Variants in CNTNAP5 observed in about 807,000 individuals in gnomAD.
CNTNAP5 encodes the protein contactin associated protein family member 5, also known as contactin-associated protein-like 5.
CNTNAP5 carries 72 observed loss-of-function variants against 150.2 expected under a neutral mutation model. That is an observed-to-expected ratio of 0.48 (90% CI 0.40 to 0.58). CNTNAP5 has a LOEUF of 0.58. Among genes scored for constraint, CNTNAP5 ranks in the 20% least tolerant of loss-of-function variants. CNTNAP5 has a pLI of 0.00. For missense variants in CNTNAP5, 1,636 were observed against 1,626.2 expected (o/e 1.01, Z -0.10); for synonymous variants, 672 against 619.8 (o/e 1.08, Z -1.25).
intron 1 of CNTNAP5, among the ~76,000 whole-genome samples, chr2:124,121,810 A>T (rs1404512523): frequency 6.6e-6 from 1 of 152,104 alleles, no homozygotes; most frequent in African/African-American, 2.4e-5. Context: ...TTATATGAAC[A>T]TCAGCTGAGT....
intron 14 of CNTNAP5, among the ~76,000 whole-genome samples, chr2:124,752,564 G>T (rs1287629433): frequency 6.6e-6 from 1 of 152,012 alleles, no homozygotes; most frequent in Non-Finnish European, 1.5e-5. Context: ...ACTACCCGTC[G>T]GAATTAGCTG....
chr2:124,633,972 G>A (rs1677920041), intron 12 of CNTNAP5, among the ~76,000 whole-genome samples: 2 of 152,180 alleles, frequency 1.3e-5, no homozygotes, highest in Non-Finnish European at 2.9e-5. Flanking sequence ...GGGCAGTGGG[G>A]CCCTGGTCCC....
At chr2:124,855,852 T>C (rs1677360288) in intron 19 of CNTNAP5, among the ~76,000 whole-genome samples, 1 of 152,144 alleles carries the variant, frequency 6.6e-6, no homozygotes, top group Non-Finnish European at 1.5e-5. Flanking sequence ...TAGTCTTTTA[T>C]CCCTCATCCC....
At position 124,294,714 on chromosome 2, in the gene CNTNAP5, T is replaced by G. The variant is rs143642165; in HGVS notation, c.381+52321T>G. ...GCGCAGCTACTGGAAGTTTTTAGAC[T>G]AAAGTAACATTTTCCGGCAACAAAA... On this transcript the variant is annotated intron_variant, in intron 3 of 23. Transcript: ENST00000682447. Among the ~76,000 whole-genome samples, 4 of 152,350 alleles carry G rather than the reference T, an allele frequency of 2.6e-5. No homozygotes were observed. In the East Asian group the frequency reaches 7.7e-4, roughly 29 times the overall value.
At position 124,914,221 on chromosome 2, in the gene CNTNAP5, G is replaced by T; in HGVS notation, c.3857G>T (p.Ser1286Ile). The change falls in exon 24 of 24, where the codon AGT (serine) becomes ATT (isoleucine). Residue 1286 changes from serine (S) to isoleucine (I), a missense_variant. Coordinates refer to ENST00000682447, the MANE Select transcript of CNTNAP5 (RefSeq NM_001367498.1). Reference protein sequence around the residue: ...KEKEYPENLDSSFRNEIDLQN... With the variant: ...KEKEYPENLDISFRNEIDLQN... ...AAGGAATATCCAGAAAATTTGGACA[G>T]TTCCTTCAGAAATGAAATTGACTTG... 6.2e-7 allele frequency: 1 copy of T among 1,612,576 alleles called. No individual in the cohort carries two copies. The highest frequency in any genetic ancestry group is 8.5e-7 in the Non-Finnish European group (1 of 1,178,990).
intron 22 of CNTNAP5, among the ~76,000 whole-genome samples, chr2:124,908,075 G>GA (rs1240217754): frequency 6.6e-6 from 1 of 151,558 alleles, no homozygotes; most frequent in Non-Finnish European, 1.5e-5. Context: ...GTCGGAGTAA[G>GA]AAAAAAAAGC....
At chr2:124,600,585 A>G (rs986094830) in intron 11 of CNTNAP5, among the ~76,000 whole-genome samples, 7 of 152,182 alleles carry the variant, frequency 4.6e-5, no homozygotes, top group Admixed American at 4.6e-4. Context: ...TATGCTGACC[A>G]GAGCTATGCA....
chr2:124,378,175 C>A (rs1445170967), intron 3 of CNTNAP5, among the ~76,000 whole-genome samples: 2 of 152,006 alleles, frequency 1.3e-5, no homozygotes, highest in African/African-American at 2.4e-5. Context: ...AAAACCTCTT[C>A]ATCCTTTAAA....
intron 13 of CNTNAP5, among the ~76,000 whole-genome samples, chr2:124,680,016 C>T (rs1679030387): frequency 1.3e-5 from 2 of 151,820 alleles, no homozygotes. Flanking sequence ...ATTTTTTATC[C>T]TATGGATACC....
At chr2:124,571,751 C>T (rs1320235736) in intron 11 of CNTNAP5, among the ~76,000 whole-genome samples, 2 of 151,304 alleles carry the variant, frequency 1.3e-5, no homozygotes, top group South Asian at 2.1e-4. Context: ...AGGCTGGTCT[C>T]GAACTCCTGA....
chr2:124,862,699 G>C (rs1023664731), intron 19 of CNTNAP5, among the ~76,000 whole-genome samples: 12 of 152,200 alleles, frequency 7.9e-5, no homozygotes, highest in Non-Finnish European at 1.5e-4. Context: ...TCAGGGAGGT[G>C]ATTAATGAGC....
chr2:124,203,133 T>C (rs1029101001), intron 1 of CNTNAP5, among the ~76,000 whole-genome samples: 1 of 152,084 alleles, frequency 6.6e-6, no homozygotes, highest in Admixed American at 6.5e-5. Context: ...AATACACCCA[T>C]TGCAAATGGA....
chr2:124,039,313 G>A (rs141806317), intron 1 of CNTNAP5, among the ~76,000 whole-genome samples: 2 of 152,158 alleles, frequency 1.3e-5, no homozygotes, highest in South Asian at 4.1e-4. Flanking sequence ...ATATAGCACA[G>A]TAAATGGCAA....
intron 13 of CNTNAP5, among the ~76,000 whole-genome samples, chr2:124,706,789 A>G (rs866463546): frequency 1.6e-3 from 49 of 31,000 alleles, no homozygotes; most frequent in Non-Finnish European, 2.6e-3. Context: ...GAAGAAGAAG[A>G]AGAAGAAGGA....
intron 2 of CNTNAP5, among the ~76,000 whole-genome samples, chr2:124,238,228 C>T (rs527805922): frequency 1.3e-5 from 2 of 152,134 alleles, no homozygotes; most frequent in East Asian, 3.9e-4. Context: ...ATGCAGGTTT[C>T]CTGGGTCTGG....
At chr2:124,639,316 G>A (rs1399153686) in intron 12 of CNTNAP5, among the ~76,000 whole-genome samples, 1 of 152,198 alleles carries the variant, frequency 6.6e-6, no homozygotes, top group African/African-American at 2.4e-5. Flanking sequence ...TTCATCTTGT[G>A]ATGAGCTCCA....
chr2:124,722,094 A>C (rs1212600144), intron 13 of CNTNAP5, among the ~76,000 whole-genome samples: 1 of 152,118 alleles, frequency 6.6e-6, no homozygotes, highest in Non-Finnish European at 1.5e-5. Flanking sequence ...TTATATCTTA[A>C]TAGAGACACA....
At chr2:124,558,598 A>C (rs1479407378) in intron 10 of CNTNAP5, among the ~76,000 whole-genome samples, 2 of 152,210 alleles carry the variant, frequency 1.3e-5, no homozygotes, top group African/African-American at 2.4e-5. Flanking sequence ...GCTTTAAAAG[A>C]AGCCAAAAAT....
chr2:124,033,585 C>A (rs1448960359), intron 1 of CNTNAP5, among the ~76,000 whole-genome samples: 1 of 152,138 alleles, frequency 6.6e-6, no homozygotes, highest in African/African-American at 2.4e-5. Flanking sequence ...GGTAAGAAGT[C>A]TTTGAGATTC....
Sources: allele counts gnomAD v4.1 joint callset (sites outside exome capture counted in the v4.1 genomes callset), GRCh38; gene constraint gnomAD v4.1.1; transcripts MANE v1.5; gene names NCBI Gene and HGNC (gene_info 2026-07-23, HGNC 2026-07-21).